The following PIP4K2A variants were observed in gnomAD, a reference collection of about 807,000 sequenced individuals.
PIP4K2A encodes the protein phosphatidylinositol-5-phosphate 4-kinase type 2 alpha, also known as phosphatidylinositol 5-phosphate 4-kinase type-2 alpha.
A neutral mutation model predicts 42.9 loss-of-function variants in PIP4K2A; 14 were observed. The observed-to-expected ratio is 0.33, with a 90% CI of 0.22 to 0.51. The LOEUF (loss-of-function observed/expected upper bound fraction) is 0.51. Ranked by LOEUF, PIP4K2A falls within the 20% of genes least tolerant of loss-of-function variation. The probability of loss-of-function intolerance (pLI) is 0.97; values close to 1 mark genes in which losing one functional copy is unlikely to be tolerated. For missense variants in PIP4K2A, 434 were observed against 519.8 expected, an observed-to-expected ratio of 0.83 and a Z score of 1.61; for synonymous variants, 192 against 192.2, an observed-to-expected ratio of 1.00 and a Z score of 0.01.
At chr10:22,699,487 A>G (rs1025435181) in intron 1 of PIP4K2A, among the ~76,000 whole-genome samples, 1 of 151,938 alleles carries the variant, frequency 6.6e-6, no homozygotes, top group Non-Finnish European at 1.5e-5. Flanking sequence ...CACACTAGAT[A>G]CCTGGGAATG....
chr10:22,597,444 G>A (rs891013545), intron 3 of PIP4K2A, among the ~76,000 whole-genome samples: 4 of 152,174 alleles, frequency 2.6e-5, no homozygotes, highest in Non-Finnish European at 4.4e-5. Flanking sequence ...TATGTGGTCT[G>A]AGAATTGTCG....
At chr10:22,551,007 C>T (rs996311154) in intron 6 of PIP4K2A, among the ~76,000 whole-genome samples, 1 of 152,188 alleles carries the variant, frequency 6.6e-6, no homozygotes, top group Admixed American at 6.5e-5. Context: ...GGGGGTCAGA[C>T]AGACTCCATA....
chr10:22,543,178 A>G (rs566444499), intron 7 of PIP4K2A, among the ~76,000 whole-genome samples: 2 of 152,248 alleles, frequency 1.3e-5, no homozygotes, highest in East Asian at 3.9e-4. Context: ...CTGTCTCGAA[A>G]CTGAATGAGA....
Position 22,609,677 on chromosome 10 carries a change from A to G in PIP4K2A, c.185T>C (p.Met62Thr). ...LSHVQIPVMLMPDDFKAYSKI... is the reference protein window; with the variant it reads ...LSHVQIPVMLTPDDFKAYSKI... ...TGAATAGGCTTTGAAGTCATCTGGC[A>G]TCAACATAACAGGGATTTGAACATG... The change falls in exon 2 of 10, where the codon ATG (methionine) becomes ACG (threonine). Residue 62 changes from methionine (M) to threonine (T), a missense_variant. Coordinates refer to ENST00000376573, the MANE Select transcript of PIP4K2A (RefSeq NM_005028.5). 1 of 1,610,318 alleles carries G rather than the reference A, an allele frequency of 6.2e-7. No homozygotes were observed. The highest frequency in any genetic ancestry group is 8.5e-7 in the Non-Finnish European group (1 of 1,177,194).
chr10:22,580,546 C>T (rs1023365455), intron 4 of PIP4K2A, among the ~76,000 whole-genome samples: 1 of 149,906 alleles, frequency 6.7e-6, no homozygotes, highest in Non-Finnish European at 1.5e-5. Flanking sequence ...TACCACAATG[C>T]CATGCTTTTA....
intron 6 of PIP4K2A, among the ~76,000 whole-genome samples, chr10:22,553,310 G>C (rs1836456242): frequency 6.6e-6 from 1 of 152,142 alleles, no homozygotes; most frequent in South Asian, 2.1e-4. Flanking sequence ...AGTGCTCAGG[G>C]GCACGAAGGT....
intron 1 of PIP4K2A, among the ~76,000 whole-genome samples, chr10:22,632,062 G>C (rs1239319860): frequency 6.7e-6 from 1 of 149,154 alleles, no homozygotes; most frequent in Non-Finnish European, 1.5e-5. Flanking sequence ...CTCTCGGTGA[G>C]AGCCATTCTA....
intron 1 of PIP4K2A, among the ~76,000 whole-genome samples, chr10:22,649,437 CCT>C (rs1338526880): frequency 3.3e-5 from 5 of 152,268 alleles, no homozygotes; most frequent in South Asian, 2.1e-4. Context: ...GAGAAAAACC[CCT>C]GAGCCAAAAC....
At chr10:22,691,078 T>C (rs1839857802) in intron 1 of PIP4K2A, among the ~76,000 whole-genome samples, 1 of 152,106 alleles carries the variant, frequency 6.6e-6, no homozygotes, top group African/African-American at 2.4e-5. Context: ...CTGAATGGTT[T>C]TGGTAAAGTC....
At chr10:22,568,965 T>C in intron 5 of PIP4K2A, 1 of 1,408,448 alleles carries the variant, frequency 7.1e-7, no homozygotes, top group Non-Finnish European at 9.7e-7. Context: ...TGAAAAGACA[T>C]CTATTGCCCT....
At chr10:22,702,126 T>C (rs1833726858) in intron 1 of PIP4K2A, among the ~76,000 whole-genome samples, 1 of 152,252 alleles carries the variant, frequency 6.6e-6, no homozygotes, top group Non-Finnish European at 1.5e-5. Flanking sequence ...TACATCTTTA[T>C]CTTAAGACTT....
intron 4 of PIP4K2A, among the ~76,000 whole-genome samples, chr10:22,586,351 A>G (rs957773312): frequency 6.6e-6 from 1 of 152,192 alleles, no homozygotes; most frequent in African/African-American, 2.4e-5. Context: ...CTAACTCCTC[A>G]CGGCTGAAGT....
At chr10:22,574,251 TG>T (rs1653208679) in intron 4 of PIP4K2A, among the ~76,000 whole-genome samples, 1 of 152,166 alleles carries the variant, frequency 6.6e-6, no homozygotes, top group Non-Finnish European at 1.5e-5. Context: ...TTTAAAATCA[TG>T]GGGAAGTAAT....
At chr10:22,582,710 G>A (rs1837306501) in intron 4 of PIP4K2A, among the ~76,000 whole-genome samples, 1 of 151,950 alleles carries the variant, frequency 6.6e-6, no homozygotes, top group African/African-American at 2.4e-5. Flanking sequence ...GAAAGGAAGG[G>A]AAGGAAAAGG....
intron 1 of PIP4K2A, among the ~76,000 whole-genome samples, chr10:22,639,359 T>TAA (rs35329002): frequency 0.015 from 2,103 of 135,724 alleles, 31 homozygotes; most frequent in African/African-American, 0.046. Flanking sequence ...CAAAAGAAGC[T>TAA]AAAAAAAAAA....
chr10:22,631,166 TA>T (rs1485378620), intron 1 of PIP4K2A, among the ~76,000 whole-genome samples: 1 of 152,198 alleles, frequency 6.6e-6, no homozygotes, highest in Non-Finnish European at 1.5e-5. Context: ...CTCTTCCAAA[TA>T]TTTTTTAATA....
At chr10:22,567,764 T>A (rs1466561682) in intron 6 of PIP4K2A, 87 bp downstream of exon 6, 1 of 1,115,138 alleles carries the variant, frequency 9.0e-7, no homozygotes. Flanking sequence ...ATAGCAGGGG[T>A]GGGAGACTAG....
intron 6 of PIP4K2A, among the ~76,000 whole-genome samples, chr10:22,557,542 G>A (rs1486484881): frequency 6.6e-6 from 1 of 152,182 alleles, no homozygotes; most frequent in African/African-American, 2.4e-5. Flanking sequence ...CATAACTGCT[G>A]TCATTCATAT....
chr10:22,620,165 A>G (rs186516668), intron 1 of PIP4K2A, among the ~76,000 whole-genome samples: 4 of 152,350 alleles, frequency 2.6e-5, no homozygotes, highest in East Asian at 1.9e-4. Flanking sequence ...TGCAAGCTCA[A>G]TCAGACTCTT....
Sources: allele counts gnomAD v4.1 joint callset (sites outside exome capture counted in the v4.1 genomes callset), GRCh38; gene constraint gnomAD v4.1.1; transcripts MANE v1.5; gene names NCBI Gene and HGNC (gene_info 2026-07-23, HGNC 2026-07-21).